The following PFKFB1 variants were observed in gnomAD, a reference collection of about 807,000 sequenced individuals.
PFKFB1 encodes the protein 6-phosphofructo-2-kinase/fructose-2,6-biphosphatase 1.
PFKFB1 carries 34 observed loss-of-function variants against 46.4 expected under a neutral mutation model. The ratio of observed to expected loss-of-function variants is 0.73; its 90% CI spans 0.56 to 0.98. PFKFB1 has a LOEUF of 0.98. Among genes scored for constraint, PFKFB1 ranks in the 50% least tolerant of loss-of-function variants. The pLI is 0.00. For missense variants in PFKFB1, 393 were observed against 376.3 expected (o/e 1.04, Z -0.37); for synonymous variants, 119 against 133.8 (o/e 0.89, Z 0.76).
chrX:54,963,831 T>G (rs1171129958), intron 1 of PFKFB1, among the ~76,000 whole-genome samples: 1 of 112,496 alleles, frequency 8.9e-6, no homozygotes, highest in Non-Finnish European at 1.9e-5. Context: ...CTGAGAAAGA[T>G]ATCCTGTAGT....
intron 8 of PFKFB1, among the ~76,000 whole-genome samples, chrX:54,950,863 G>A (rs892965385): frequency 3.6e-5 from 4 of 112,628 alleles, no homozygotes; most frequent in African/African-American, 1.3e-4. Context: ...TCCAGTGGGG[G>A]AGCTGAGGGC....
intron 1 of PFKFB1, among the ~76,000 whole-genome samples, chrX:54,972,366 C>T (rs1365248127): frequency 9.2e-6 from 1 of 108,129 alleles, no homozygotes; most frequent in Non-Finnish European, 1.9e-5. Flanking sequence ...CCAGAACTTC[C>T]AACACTATGT....
chrX:54,960,953 G>A, intron 2 of PFKFB1, 36 bp from the exon 3 acceptor site: 2 of 953,721 alleles, frequency 2.1e-6, no homozygotes, highest in Non-Finnish European at 3.0e-6. Context: ...AGGTTGGGAA[G>A]ATCCCAGTGG....
intron 1 of PFKFB1, among the ~76,000 whole-genome samples, chrX:54,991,537 CTCTGTGTGTGTG>C (rs777708019): frequency 2.0e-5 from 2 of 98,442 alleles, no homozygotes; most frequent in African/African-American, 7.6e-5. Context: ...CTCTCTCTCT[CTCTGTGTGTGTG>C]TGTGTGTGTG....
chrX:54,997,419 T>A (rs1935373936), upstream of PFKFB1, among the ~76,000 whole-genome samples: 1 of 111,731 alleles, frequency 9.0e-6, no homozygotes, highest in Non-Finnish European at 1.9e-5. Context: ...AATGGGGCTA[T>A]CTCTAGGGAA....
chrX:54,949,614 C>T (rs1352944084), intron 8 of PFKFB1, among the ~76,000 whole-genome samples: 3 of 112,280 alleles, frequency 2.7e-5, no homozygotes, highest in African/African-American at 6.5e-5. Flanking sequence ...TGCACTTCTA[C>T]GTGCCTTTAG....
At chrX:54,937,396 G>A (rs1360906165) in intron 11 of PFKFB1, among the ~76,000 whole-genome samples, 199 bp downstream of exon 11, 1 of 112,312 alleles carries the variant, frequency 8.9e-6, no homozygotes, top group African/African-American at 3.2e-5. Flanking sequence ...CCATTTTACA[G>A]ATGAGGACAC....
intron 8 of PFKFB1, among the ~76,000 whole-genome samples, chrX:54,950,592 A>C (rs1381762077): frequency 8.9e-6 from 1 of 112,288 alleles, no homozygotes; most frequent in Non-Finnish European, 1.9e-5. Context: ...CTGTGGAGAC[A>C]GCCACATGTC....
At chrX:54,963,514 A>C in intron 1 of PFKFB1, 132 bp from the exon 2 acceptor site, 9 of 641,394 alleles carry the variant, frequency 1.4e-5, no homozygotes, top group South Asian at 3.2e-5. Flanking sequence ...GAAAGTGAAA[A>C]TTAAGAACTT....
intron 7 of PFKFB1, among the ~76,000 whole-genome samples, chrX:54,953,533 GAA>G (rs756703292): frequency 2.9e-4 from 33 of 111,949 alleles, no homozygotes; most frequent in African/African-American, 1.1e-3. Flanking sequence ...CATAGAGAGA[GAA>G]AGTGATTTCT....
chrX:54,934,455 G>A (rs1356568018), intron 12 of PFKFB1, among the ~76,000 whole-genome samples: 3 of 111,504 alleles, frequency 2.7e-5, no homozygotes, highest in African/African-American at 9.8e-5. Context: ...CCTAATGCCT[G>A]TGGAAGCTCC....
At chrX:54,940,071 G>C (rs1933563349) in intron 10 of PFKFB1, among the ~76,000 whole-genome samples, 1 of 112,026 alleles carries the variant, frequency 8.9e-6, no homozygotes, top group Non-Finnish European at 1.9e-5. Flanking sequence ...TCCCTGGGAT[G>C]CAAGGCTGGT....
intron 1 of PFKFB1, among the ~76,000 whole-genome samples, chrX:54,972,642 A>T (rs982532662): frequency 9.0e-6 from 1 of 111,713 alleles, no homozygotes; most frequent in Non-Finnish European, 1.9e-5. Context: ...GATTACATTT[A>T]TTGATTTCCA....
intron 1 of PFKFB1, among the ~76,000 whole-genome samples, chrX:54,990,052 G>A (rs992596537): frequency 4.5e-5 from 5 of 111,234 alleles, no homozygotes; most frequent in African/African-American, 1.6e-4. Context: ...TTATCTCATT[G>A]GACACTTAAA....
chrX:54,982,705 C>T (rs1041057923), intron 1 of PFKFB1, among the ~76,000 whole-genome samples: 2 of 110,676 alleles, frequency 1.8e-5, no homozygotes, highest in Non-Finnish European at 3.8e-5. Flanking sequence ...TTCCTAGAAC[C>T]AATCCTCTGC....
chrX:54,939,859 T>C (rs1040904206), intron 10 of PFKFB1, among the ~76,000 whole-genome samples: 2 of 111,706 alleles, frequency 1.8e-5, no homozygotes, highest in African/African-American at 3.3e-5. Context: ...TTCCAATCAA[T>C]AGAAAAAGAG....
chrX:54,967,286 A>G (rs924262798), intron 1 of PFKFB1, among the ~76,000 whole-genome samples: 1 of 112,258 alleles, frequency 8.9e-6, no homozygotes, highest in Non-Finnish European at 1.9e-5. Flanking sequence ...ATCTTAAATT[A>G]GCTATAATAA....
At chrX:54,938,809 C>A (rs1210415722) in intron 10 of PFKFB1, among the ~76,000 whole-genome samples, 1 of 111,594 alleles carries the variant, frequency 9.0e-6, no homozygotes, top group Non-Finnish European at 1.9e-5. Flanking sequence ...TTAACACCCA[C>A]TGTCAACATT....
intron 10 of PFKFB1, among the ~76,000 whole-genome samples, chrX:54,941,969 A>G (rs1255973145): frequency 2.7e-5 from 3 of 112,158 alleles, no homozygotes; most frequent in Non-Finnish European, 5.6e-5. Context: ...CACTATTCAC[A>G]ATAGCAAAGA....
Sources: allele counts gnomAD v4.1 joint callset (sites outside exome capture counted in the v4.1 genomes callset), GRCh38; gene constraint gnomAD v4.1.1; transcripts MANE v1.5; gene names NCBI Gene and HGNC (gene_info 2026-07-23, HGNC 2026-07-21).